The following CHI3L1 variants were observed in gnomAD, a reference collection of about 807,000 sequenced individuals.
CHI3L1 encodes the protein chitinase-3-like protein 1.
A neutral mutation model predicts 40.7 loss-of-function variants in CHI3L1; 30 were observed. The ratio of observed to expected loss-of-function variants is 0.74; its 90% CI spans 0.55 to 1.00. CHI3L1 has a LOEUF of 1.00. Among genes scored for constraint, CHI3L1 ranks in the 50% least tolerant of loss-of-function variants. The probability of loss-of-function intolerance (pLI) is 0.00; values close to 1 mark genes in which losing one functional copy is unlikely to be tolerated. For synonymous variants in CHI3L1, 210 were observed against 192.1 expected (o/e 1.09, Z -0.77); for missense variants, 493 against 492.2 (o/e 1.00, Z -0.01).
In CHI3L1 at chr1:203,179,328, G is replaced by A; in HGVS notation, c.*117C>T. ...GTGGACCTCTGCATAGGCCCCAAGGGAGGGAGACTGAGGCTCAGCCTGGGA... is the reference window on the plus strand; with the variant it reads ...GTGGACCTCTGCATAGGCCCCAAGGAAGGGAGACTGAGGCTCAGCCTGGGA... On this transcript the variant is annotated 3_prime_UTR_variant, in exon 10 of 10. Transcript: ENST00000255409. 1 of 920,998 alleles carries A rather than the reference G, an allele frequency of 1.1e-6. No individual in the cohort carries two copies. The highest frequency in any genetic ancestry group is 1.7e-6 in the Non-Finnish European group (1 of 600,784). The allele number at this position is 920,998 out of a possible 1,614,324, so 57.1% of individuals were successfully genotyped here.
chr1:203,182,518 A>C (rs1403433133), intron 6 of CHI3L1, among the ~76,000 whole-genome samples: 2 of 152,238 alleles, frequency 1.3e-5, no homozygotes, highest in Admixed American at 6.5e-5. Context: ...GAAAAAGGAA[A>C]GGCAAGGATT....
At chr1:203,184,991 G>A (rs533560189) in intron 3 of CHI3L1, among the ~76,000 whole-genome samples, 193 bp downstream of exon 3, 3 of 152,074 alleles carry the variant, frequency 2.0e-5, no homozygotes, top group Admixed American at 6.5e-5. Flanking sequence ...CTGCGCTTCC[G>A]TCTACAGTCT....
In CHI3L1 at chr1:203,185,362, A is replaced by T. The variant is rs569686784; in HGVS notation, c.79T>A (p.Tyr27Asn). ...QCCSAYKLVC[Y>N]YTSWSQYREG... ...CGGTACTGGGACCAGCTGGTGTAGT[A>T]GCAGACCAGTTTGTATGCAGAGCCT... Residue 27 changes from tyrosine to asparagine, a missense_variant, in exon 3 of 10, where the codon TAC becomes AAC. Coordinates refer to ENST00000255409, the MANE Select transcript of CHI3L1 (RefSeq NM_001276.4). The T allele has an allele frequency of 6.2e-7, 1 of 1,614,104 alleles. No homozygotes were observed. Among genetic ancestry groups the T allele is most frequent in the East Asian group, 2.2e-5 (1 of 44,886 alleles).
rs200623276 is a variant in CHI3L1, at chr1:203,186,648, G to T, written c.-25C>A. ...TTCTGGCTGCAGCAGAGCAGGGCAG[G>T]GTGTGGCCTCTTCCCTTGCCCACGG... is the stretch of plus-strand genomic sequence containing the variant. On this transcript the variant is annotated 5_prime_UTR_variant, in exon 1 of 10. Transcript: ENST00000255409. 1.2e-6 allele frequency: 2 copies of T among 1,613,964 alleles called. No individual in the cohort carries two copies. Among genetic ancestry groups the T allele is most frequent in the East Asian group, 2.2e-5 (1 of 44,872 alleles).
intron 6 of CHI3L1, chr1:203,182,146 G>C (rs1407094066): frequency 3.3e-5 from 5 of 152,998 alleles, no homozygotes; most frequent in Non-Finnish European, 7.3e-5. Context: ...AGAAAGCTCT[G>C]AAGTCATTTT....
intron 4 of CHI3L1, 117 bp from the exon 5 acceptor site, chr1:203,183,908 AG>A: frequency 8.4e-7 from 1 of 1,185,302 alleles, no homozygotes; most frequent in South Asian, 1.3e-5. Context: ...CAGCTCTGGG[AG>A]GGCATGATTG....
In CHI3L1 at chr1:203,183,776, G is replaced by T; in HGVS notation, c.330C>A (p.Ala110=). 2 of 1,614,194 alleles carry T rather than the reference G, an allele frequency of 1.2e-6. No homozygotes were observed. The highest frequency in any genetic ancestry group is 1.7e-6 in the Non-Finnish European group (2 of 1,180,026). Residue 110 remains alanine (A), a synonymous_variant, in exon 5 of 10, where the codon GCC becomes GCA. Transcript: ENST00000255409. ...NFGSQRFSKI[A]SNTQSRRTFI... ...AAGTCCGGCGACTCTGGGTGTTGGA[G>T]GCTATCTTGGAAAATCTAGGACCAA...
In CHI3L1 at chr1:203,183,715, C is replaced by T. The variant is rs1178221319; in HGVS notation, c.391G>A (p.Gly131Ser). Reference protein sequence around the residue: ...KSVPPFLRTHGFDGLDLAWLY... With the variant: ...KSVPPFLRTHSFDGLDLAWLY... ...CAGGCAAGGTCCAGCCCATCAAAGCCATGGGTGCGCAGAAATGGCGGTACT... is the reference window on the plus strand; with the variant it reads ...CAGGCAAGGTCCAGCCCATCAAAGCTATGGGTGCGCAGAAATGGCGGTACT... Residue 131 changes from glycine to serine, a missense_variant, in exon 5 of 10, where the codon GGC (glycine) becomes AGC (serine). Gly to Ser is a moderately conservative substitution (Grantham distance 56, BLOSUM62 0). Coordinates refer to ENST00000255409, the MANE Select transcript of CHI3L1 (RefSeq NM_001276.4). 6.2e-7 allele frequency: 1 copy of T among 1,614,172 alleles called. No individual in the cohort carries two copies. The highest frequency in any genetic ancestry group is 2.2e-5 in the East Asian group (1 of 44,886).
chr1:203,183,884 A>G, intron 4 of CHI3L1, 93 bp from the exon 5 acceptor site: 9 of 1,405,190 alleles, frequency 6.4e-6, no homozygotes, highest in South Asian at 1.2e-5. Context: ...CAGAGCTGGG[A>G]TCCTGAGGCC....
chr1:203,183,517 C>T (rs1229150598), intron 5 of CHI3L1, 124 bp downstream of exon 5: 3 of 988,734 alleles, frequency 3.0e-6, no homozygotes, highest in Non-Finnish European at 4.6e-6. Context: ...TCCCAGGACA[C>T]TGCCCTGAGG....
rs1313955902 is a variant in CHI3L1 at position 203,179,216 on chromosome 1, C to A, written c.*229G>T. ...ATTAATCAACAAGTGTGTACTAATC[C>A]CGAGTCTTACATTGCGATGCCTCAC... is the stretch of plus-strand genomic sequence containing the variant. On this transcript the variant is annotated 3_prime_UTR_variant, in exon 10 of 10. Coordinates refer to ENST00000255409, the MANE Select transcript of CHI3L1 (RefSeq NM_001276.4). 4 of 430,270 alleles carry A rather than the reference C, an allele frequency of 9.3e-6. No homozygotes were observed. The highest frequency in any genetic ancestry group is 1.6e-5 in the Non-Finnish European group (4 of 242,868). The allele number at this position is 430,270 out of a possible 1,614,324, so 26.7% of individuals were successfully genotyped here.
intron 2 of CHI3L1, among the ~76,000 whole-genome samples, chr1:203,185,935 C>T (rs1656046923): frequency 6.6e-6 from 1 of 152,126 alleles, no homozygotes; most frequent in Non-Finnish European, 1.5e-5. Context: ...CAGGCTGGGG[C>T]ACAATATCAC....
chr1:203,181,727 T>C (rs555230893), intron 6 of CHI3L1: 47 of 160,670 alleles, frequency 2.9e-4, no homozygotes, highest in Non-Finnish European at 6.8e-5. Flanking sequence ...CCCAGTGACC[T>C]CGGTCCCCAT....
chr1:203,181,130 C>T, intron 7 of CHI3L1, 32 bp downstream of exon 7: 1 of 1,611,666 alleles, frequency 6.2e-7, no homozygotes, highest in Non-Finnish European at 8.5e-7. Flanking sequence ...CTTGCGGCCC[C>T]CTCCTGGCCC....
At chr1:203,186,284 G>A (rs111768615) in intron 2 of CHI3L1, 32 bp downstream of exon 2, 38,521 of 1,572,292 alleles carry the variant, frequency 0.024, 596 homozygotes, top group Middle Eastern at 0.045. Context: ...CACGCCTCTG[G>A]ACTTAAAAGT....
Position 203,185,237 on chromosome 1 carries a change from G to T in CHI3L1, c.204C>A (p.Thr68=). ...FANISNDHID[T]WEWNDVTLYG... ...AGAGCGTCACATCATTCCACTCCCA[G>T]GTGTCGATGTGATCGTTGCTTATAT... The change falls in exon 3 of 10, where the codon ACC becomes ACA. Residue 68 remains threonine (T), a synonymous_variant. Coordinates refer to ENST00000255409, the MANE Select transcript of CHI3L1 (RefSeq NM_001276.4). 6.2e-7 allele frequency: 1 copy of T among 1,614,218 alleles called. No individual in the cohort carries two copies. The highest frequency in any genetic ancestry group is 8.5e-7 in the Non-Finnish European group (1 of 1,180,024).
At chr1:203,185,819 T>C (rs1656043649) in intron 2 of CHI3L1, among the ~76,000 whole-genome samples, 1 of 152,164 alleles carries the variant, frequency 6.6e-6, no homozygotes, top group African/African-American at 2.4e-5. Flanking sequence ...GTGAGGTCCT[T>C]CATCCATGAG....
chr1:203,186,447 C>CCCCGT, intron 1 of CHI3L1, 102 bp from the exon 2 acceptor site: 1 of 1,487,194 alleles, frequency 6.7e-7, no homozygotes, highest in Non-Finnish European at 9.2e-7. Context: ...CCCCCACCTC[C>CCCCGT]TGGTTGCAGC....
At chr1:203,185,927 G>A (rs4950881) in intron 2 of CHI3L1, among the ~76,000 whole-genome samples, 124,449 of 152,032 alleles carry the variant, frequency 0.82, 51,729 homozygotes, top group African/African-American at 0.95. Flanking sequence ...ATGTCCCCCA[G>A]GCTGGGGCAC....
Sources: allele counts gnomAD v4.1 joint callset (sites outside exome capture counted in the v4.1 genomes callset), GRCh38; gene constraint gnomAD v4.1.1; transcripts MANE v1.5; gene names NCBI Gene and HGNC (gene_info 2026-07-23, HGNC 2026-07-21).